Variants in CDH18 observed in about 807,000 individuals in gnomAD.
CDH18 encodes the protein cadherin-18.
Under a neutral mutation model 67.9 loss-of-function variants are expected in CDH18, and 31 were observed. The observed-to-expected ratio is 0.46, with a 90% confidence interval of 0.34 to 0.62. CDH18 has a LOEUF of 0.62. Ranked by LOEUF, CDH18 falls within the 20% of genes least tolerant of loss-of-function variation. The probability of loss-of-function intolerance (pLI) is 0.01; values close to 1 mark genes in which losing one functional copy is unlikely to be tolerated. For synonymous variants in CDH18, 362 were observed against 347.2 expected (o/e 1.04, Z -0.48); for missense variants, 890 against 975.5 (o/e 0.91, Z 1.17).
At chr5:19,519,842 C>T (rs887054455) in intron 10 of CDH18, among the ~76,000 whole-genome samples, 4 of 152,046 alleles carry the variant, frequency 2.6e-5, no homozygotes, top group Admixed American at 6.6e-5. Flanking sequence ...ACTGAATGTT[C>T]CCAACAGCCC....
rs1170488048 is a variant in CDH18 at position 20,501,717 on chromosome 5, TTGTGTGTGTG to T, written c.-580+73735_-580+73744del. 7.0e-3 allele frequency among the ~76,000 whole-genome samples: 844 copies of T among 121,254 alleles called. 10 individuals are homozygous for T. Among genetic ancestry groups the T allele is most frequent in the African/African-American group, 0.025 (786 of 31,914 alleles). 79.5% of individuals were successfully genotyped at this position (121,254 alleles called of 152,430 possible). A position where few individuals can be genotyped will look rare whatever the true frequency, so the allele number is the denominator to read the frequency against. On this transcript the variant is annotated intron_variant, in intron 1 of 14. Coordinates refer to the CDH18 transcript ENST00000507958. ...GGCCAAACCCTAAAATCTTAAGGAT[TTGTGTGTGTG>T]TGTGTGTGTGTGTGTGTGTGTGTGT...
intron 2 of CDH18, among the ~76,000 whole-genome samples, chr5:20,150,266 G>C (rs767018448): frequency 6.6e-6 from 1 of 151,994 alleles, no homozygotes; most frequent in Non-Finnish European, 1.5e-5. Flanking sequence ...TTACCTGAAA[G>C]TCTGCATCAT....
At chr5:19,969,370 T>C (rs2150330515) in intron 2 of CDH18, among the ~76,000 whole-genome samples, 1 of 149,254 alleles carries the variant, frequency 6.7e-6, no homozygotes, top group African/African-American at 2.6e-5. Context: ...CTATAAATCA[T>C]GCTGCTATAA....
chr5:20,537,252 GTA>G (rs1394813832), intron 1 of CDH18, among the ~76,000 whole-genome samples: 1 of 152,052 alleles, frequency 6.6e-6, no homozygotes, highest in Admixed American at 6.6e-5. Flanking sequence ...AAGCGAAATA[GTA>G]TATGTTTCCA....
chr5:19,648,336 T>A (rs575032260), intron 5 of CDH18, among the ~76,000 whole-genome samples: 57 of 151,914 alleles, frequency 3.8e-4, no homozygotes, highest in African/African-American at 1.3e-3. Flanking sequence ...AATCACAGGA[T>A]CCCAAAAGGC....
intron 2 of CDH18, among the ~76,000 whole-genome samples, chr5:20,045,053 T>C (rs918865118): frequency 6.6e-6 from 1 of 152,182 alleles, no homozygotes; most frequent in Non-Finnish European, 1.5e-5. Flanking sequence ...TCAGATTTTC[T>C]CTATCAGCAT....
chr5:20,353,842 G>T (rs1741395809), intron 1 of CDH18, among the ~76,000 whole-genome samples: 1 of 152,134 alleles, frequency 6.6e-6, no homozygotes, highest in Non-Finnish European at 1.5e-5. Context: ...TTCTCCCACA[G>T]GGTTGAAGAA....
intron 2 of CDH18, among the ~76,000 whole-genome samples, chr5:20,023,246 T>C (rs1050509010): frequency 4.6e-5 from 7 of 152,208 alleles, no homozygotes; most frequent in African/African-American, 1.7e-4. Context: ...CACAAACTAA[T>C]ATCCACAGCC....
chr5:20,312,990 C>T (rs188663529), intron 1 of CDH18, among the ~76,000 whole-genome samples: 28 of 151,944 alleles, frequency 1.8e-4, no homozygotes, highest in African/African-American at 6.5e-4. Context: ...ATAGCAGGTG[C>T]TTAAAACAAT....
chr5:19,721,056 G>GT (rs1766027479), intron 5 of CDH18, among the ~76,000 whole-genome samples: 2 of 152,098 alleles, frequency 1.3e-5, no homozygotes, highest in African/African-American at 2.4e-5. Flanking sequence ...TGCCATATTT[G>GT]TTTTAAACAC....
intron 2 of CDH18, among the ~76,000 whole-genome samples, chr5:20,155,080 ACTTT>A (rs1301385989): frequency 6.6e-6 from 1 of 152,154 alleles, no homozygotes; most frequent in Non-Finnish European, 1.5e-5. Context: ...AATTTTACTT[ACTTT>A]CTTTTTATAT....
At chr5:19,790,326 A>T (rs1312132133) in intron 3 of CDH18, among the ~76,000 whole-genome samples, 3 of 152,140 alleles carry the variant, frequency 2.0e-5, no homozygotes, top group African/African-American at 7.2e-5. Context: ...TAAATTTTGA[A>T]ATTGTTTCAC....
At chr5:20,433,006 G>T (rs199987469) in intron 1 of CDH18, among the ~76,000 whole-genome samples, 2 of 121,144 alleles carry the variant, frequency 1.7e-5, no homozygotes, top group Non-Finnish European at 1.8e-5. Flanking sequence ...TTTAGTCATT[G>T]TGTGTATATA....
At chr5:20,521,506 T>TAC (rs1191525636) in intron 1 of CDH18, among the ~76,000 whole-genome samples, 1 of 152,086 alleles carries the variant, frequency 6.6e-6, no homozygotes, top group Non-Finnish European at 1.5e-5. Context: ...TAAAGTGGTG[T>TAC]TTAAATGAGT....
chr5:19,834,338 G>A (rs1192053509), intron 3 of CDH18, among the ~76,000 whole-genome samples: 1 of 151,756 alleles, frequency 6.6e-6, no homozygotes, highest in African/African-American at 2.4e-5. Flanking sequence ...ATTCTCTGAT[G>A]GTAGTTTGTA....
intron 1 of CDH18, among the ~76,000 whole-genome samples, chr5:20,435,474 T>C (rs1476086314): frequency 6.6e-6 from 1 of 152,076 alleles, no homozygotes; most frequent in African/African-American, 2.4e-5. Context: ...ACCTCAGGCC[T>C]GCAAACCCCT....
At chr5:19,802,227 T>C (rs1351235847) in intron 3 of CDH18, among the ~76,000 whole-genome samples, 1 of 152,136 alleles carries the variant, frequency 6.6e-6, no homozygotes, top group East Asian at 1.9e-4. Context: ...ATACTTCTCA[T>C]AATTTTGATA....
intron 1 of CDH18, among the ~76,000 whole-genome samples, chr5:20,341,870 G>A (rs1233853096): frequency 6.6e-6 from 1 of 152,030 alleles, no homozygotes; most frequent in African/African-American, 2.4e-5. Flanking sequence ...GAGAAGCAAG[G>A]AGTTTAGTGA....
chr5:20,226,191 C>T (rs1741611936), intron 2 of CDH18, among the ~76,000 whole-genome samples: 1 of 151,800 alleles, frequency 6.6e-6, no homozygotes, highest in Non-Finnish European at 1.5e-5. Context: ...AACACACTGG[C>T]CTTCAGAAAG....
Sources: allele counts gnomAD v4.1 joint callset (sites outside exome capture counted in the v4.1 genomes callset), GRCh38; gene constraint gnomAD v4.1.1; transcripts MANE v1.5; gene names NCBI Gene and HGNC (gene_info 2026-07-23, HGNC 2026-07-21).